The following TRIM24 variants were observed in gnomAD, a reference collection of about 807,000 sequenced individuals.
The protein encoded by TRIM24 is transcription intermediary factor 1-alpha.
Under a neutral mutation model 123.9 loss-of-function variants are expected in TRIM24, and 29 were observed. That is an observed-to-expected ratio of 0.23 (90% CI 0.17 to 0.32). TRIM24 has a LOEUF of 0.32. Ranked by LOEUF, TRIM24 falls within the 10% of genes least tolerant of loss-of-function variation. The probability of loss-of-function intolerance (pLI) is 1.00; values close to 1 mark genes in which losing one functional copy is unlikely to be tolerated. For missense variants in TRIM24, 932 were observed against 1,295.3 expected (o/e 0.72, Z 4.31); for synonymous variants, 456 against 461.1 (o/e 0.99, Z 0.14).
At chr7:138,499,373 A>G (rs1343881192) in intron 1 of TRIM24, among the ~76,000 whole-genome samples, 1 of 152,198 alleles carries the variant, frequency 6.6e-6, no homozygotes, top group Non-Finnish European at 1.5e-5. Flanking sequence ...GTGAGTCAAA[A>G]CATTTATAAG....
At chr7:138,508,371 T>C (rs765389471) in intron 2 of TRIM24, among the ~76,000 whole-genome samples, 81 of 152,178 alleles carry the variant, frequency 5.3e-4, no homozygotes, top group Non-Finnish European at 1.0e-3. Context: ...AGGAAGCATA[T>C]GGTGTCTGGT....
intron 1 of TRIM24, among the ~76,000 whole-genome samples, chr7:138,494,120 T>G (rs1018006707): frequency 1.3e-5 from 2 of 152,040 alleles, no homozygotes; most frequent in Non-Finnish European, 2.9e-5. Context: ...TAGCTGGGAT[T>G]ACAGGCACCT....
chr7:138,541,170 A>C (rs960903936), intron 7 of TRIM24, among the ~76,000 whole-genome samples: 1 of 152,020 alleles, frequency 6.6e-6, no homozygotes, highest in Non-Finnish European at 1.5e-5. Context: ...TTATTTCTTA[A>C]ATAATACTTG....
At chr7:138,580,334 CCTT>C (rs1204849154) in intron 15 of TRIM24, among the ~76,000 whole-genome samples, 2 of 152,022 alleles carry the variant, frequency 1.3e-5, no homozygotes, top group African/African-American at 2.4e-5. Context: ...GTATCTCACA[CCTT>C]CTTAACTAGA....
chr7:138,555,658 A>G (rs1482159817), intron 9 of TRIM24, among the ~76,000 whole-genome samples: 1 of 151,694 alleles, frequency 6.6e-6, no homozygotes, highest in Non-Finnish European at 1.5e-5. Flanking sequence ...AATTTTTTGT[A>G]TTTTTAGTAG....
At chr7:138,477,729 C>A (rs1795434646) in intron 1 of TRIM24, among the ~76,000 whole-genome samples, 1 of 152,060 alleles carries the variant, frequency 6.6e-6, no homozygotes, top group Non-Finnish European at 1.5e-5. Flanking sequence ...CAAGCAGATA[C>A]TTGTGGTAAT....
chr7:138,551,869 A>T (rs1017451026), intron 8 of TRIM24, among the ~76,000 whole-genome samples: 1 of 152,184 alleles, frequency 6.6e-6, no homozygotes, highest in African/African-American at 2.4e-5. Flanking sequence ...CTTAGGGAAG[A>T]CTTTTAGTTT....
At chr7:138,489,993 A>T (rs1419188446) in intron 1 of TRIM24, among the ~76,000 whole-genome samples, 1 of 152,234 alleles carries the variant, frequency 6.6e-6, no homozygotes, top group East Asian at 1.9e-4. Context: ...TATACCGATC[A>T]GACGTAGATT....
chr7:138,463,988 A>ATTTTTTTTTTTTTT (rs1359459460), intron 1 of TRIM24, among the ~76,000 whole-genome samples: 12 of 32,110 alleles, frequency 3.7e-4, no homozygotes, highest in Non-Finnish European at 5.5e-4. Context: ...AAAAATTTAG[A>ATTTTTTTTTTTTTT]CTTTTTTTTT....
At chr7:138,485,367 A>C (rs1410907951) in intron 1 of TRIM24, among the ~76,000 whole-genome samples, 1 of 148,832 alleles carries the variant, frequency 6.7e-6, no homozygotes, top group Non-Finnish European at 1.5e-5. Flanking sequence ...TTTTTTTTTA[A>C]TTATACTTTA....
intron 1 of TRIM24, among the ~76,000 whole-genome samples, chr7:138,470,400 T>G (rs1158443416): frequency 6.6e-6 from 1 of 152,194 alleles, no homozygotes; most frequent in African/African-American, 2.4e-5. Context: ...GGATTACAGA[T>G]GCGAGCCATC....
At position 138,523,554 on chromosome 7, in the gene TRIM24, G is replaced by C. The variant is rs1440920330; in HGVS notation, c.765-1687G>C. ...GCGGATCACAAGGTCAGGAGATTGA[G>C]ACCATCCTGGCTAACATGGTGAAAC... On this transcript the variant is annotated intron_variant, in intron 4 of 18. Coordinates refer to ENST00000343526, the MANE Select transcript of TRIM24 (RefSeq NM_015905.3). 2.6e-4 allele frequency among the ~76,000 whole-genome samples: 39 copies of C among 152,228 alleles called. 1 individual carries two copies. The highest frequency in any genetic ancestry group is 5.9e-5 in the Non-Finnish European group (4 of 67,998).
intron 10 of TRIM24, 145 bp downstream of exon 10, chr7:138,567,799 GTT>G: frequency 1.2e-6 from 1 of 843,536 alleles, no homozygotes; most frequent in Non-Finnish European, 1.7e-6. Context: ...GAATTGCAAA[GTT>G]TGATGCTTTT....
rs903756577 is a variant in TRIM24 at position 138,554,240 on chromosome 7, G to A, written c.1262-458G>A. Among the ~76,000 whole-genome samples the A allele has an allele frequency of 3.3e-5, 5 of 152,094 alleles. No individual in the cohort carries two copies. In the East Asian group the frequency reaches 7.7e-4, roughly 23 times the overall value. ...GGTACACTTAAGTTATTGCTGTCAG[G>A]TGCTGTCTGCCATACAGTGAGACTG... is the stretch of plus-strand genomic sequence containing the variant. On this transcript the variant is annotated intron_variant, in intron 8 of 18. Transcript: ENST00000343526. The surrounding 1 kb of genome is among the most constrained non-coding windows in gnomAD (Gnocchi z 4.5).
chr7:138,479,633 C>T (rs187390272), intron 1 of TRIM24, among the ~76,000 whole-genome samples: 3 of 150,260 alleles, frequency 2.0e-5, no homozygotes, highest in African/African-American at 7.3e-5. Flanking sequence ...CTGCCTCAGC[C>T]TCCCAAGTAG....
At chr7:138,580,914 A>G (rs1265218798) in intron 16 of TRIM24, among the ~76,000 whole-genome samples, 1 of 152,178 alleles carries the variant, frequency 6.6e-6, no homozygotes, top group Non-Finnish European at 1.5e-5. Context: ...AGCTTATTGT[A>G]CCTGAACAAG....
At chr7:138,517,730 T>G (rs1796430380) in intron 3 of TRIM24, among the ~76,000 whole-genome samples, 1 of 152,192 alleles carries the variant, frequency 6.6e-6, no homozygotes, top group African/African-American at 2.4e-5. Context: ...AGCTAGATAA[T>G]TCTTTATCGT....
chr7:138,580,699 G>C lies in TRIM24; in HGVS notation c.2718+5G>C. On this transcript the variant is annotated splice_donor_5th_base_variant and intron_variant, in intron 16 of 18. Transcript: ENST00000343526. ...TTAACACCTATAGATAAAAGGGTAA[G>C]TCTTTGGTAAGATGCATTATTGTAT... 2 of 1,612,114 alleles carry C rather than the reference G, an allele frequency of 1.2e-6. No individual in the cohort carries two copies. Among genetic ancestry groups the C allele is most frequent in the Non-Finnish European group, 1.7e-6 (2 of 1,179,092 alleles).
chr7:138,544,846 A>G (rs1797069844), intron 7 of TRIM24, among the ~76,000 whole-genome samples: 1 of 152,178 alleles, frequency 6.6e-6, no homozygotes, highest in Admixed American at 6.5e-5. Context: ...CTCTTTGCCC[A>G]TTTCTTAATC....
Sources: allele counts gnomAD v4.1 joint callset (sites outside exome capture counted in the v4.1 genomes callset), GRCh38; gene constraint gnomAD v4.1.1; non-coding constraint Gnocchi (gnomAD v3.1); transcripts MANE v1.5; gene names NCBI Gene and HGNC (gene_info 2026-07-23, HGNC 2026-07-21).